SEL1L3: variants seen among roughly 807,000 people sequenced by gnomAD.
The protein encoded by SEL1L3 is SEL1L family member 3.
Under a neutral mutation model 142.8 loss-of-function variants are expected in SEL1L3, and 76 were observed. The observed-to-expected ratio is 0.53, with a 90% CI of 0.44 to 0.64. SEL1L3 has a LOEUF of 0.64. SEL1L3 is among the 30% of genes least tolerant of loss of function. SEL1L3 has a pLI of 0.00. For missense variants in SEL1L3, 1,262 were observed against 1,381.7 expected (o/e 0.91, Z 1.37); for synonymous variants, 504 against 519.6 (o/e 0.97, Z 0.41).
chr4:25,838,929 C>G (rs1402401258), intron 2 of SEL1L3, among the ~76,000 whole-genome samples: 1 of 152,216 alleles, frequency 6.6e-6, no homozygotes, highest in Non-Finnish European at 1.5e-5. Flanking sequence ...TTCTGTGTAA[C>G]AAAACCCCAC....
the SEL1L3 span, among the ~76,000 whole-genome samples, chr4:25,722,600 A>G: frequency 6.7e-6 from 1 of 148,878 alleles, no homozygotes; most frequent in Non-Finnish European, 1.5e-5. Flanking sequence ...AAGAGCCACA[A>G]GATACATGCA....
intron 9 of SEL1L3, 38 bp downstream of exon 9, chr4:25,818,100 C>A: frequency 6.3e-7 from 1 of 1,598,544 alleles, no homozygotes; most frequent in South Asian, 1.1e-5. Context: ...AGGAGCCTTT[C>A]TAACCAGCGC....
intron 1 of SEL1L3, among the ~76,000 whole-genome samples, chr4:25,854,961 C>T (rs557702502): frequency 5.9e-5 from 9 of 152,276 alleles, no homozygotes; most frequent in African/African-American, 1.9e-4. Context: ...GTGTGTTGGC[C>T]CCAAAGAGGG....
At chr4:25,851,646 T>G (rs2109316034) in intron 1 of SEL1L3, among the ~76,000 whole-genome samples, 1 of 151,916 alleles carries the variant, frequency 6.6e-6, no homozygotes, top group Non-Finnish European at 1.5e-5. Context: ...ATCCCAGCAC[T>G]TTGGGAGGCT....
Position 25,804,654 on chromosome 4 carries a change from T to C in SEL1L3, c.1663A>G (p.Ser555Gly). The change falls in exon 10 of 24, where the codon AGC becomes GGC. Residue 555 changes from serine to glycine, a missense_variant. Ser to Gly is a moderately conservative substitution (Grantham distance 56). Coordinates refer to ENST00000399878, the MANE Select transcript of SEL1L3 (RefSeq NM_015187.5). Reference protein sequence around the residue: ...LSSIDGLHQISSIVPFLTDSS... With the variant: ...LSSIDGLHQIGSIVPFLTDSS... ...TCCGTCAGAAAGGGGACGATAGAGC[T>C]AATTTGGTGAAGACCATCAATGCTA... 1 of 1,613,670 alleles carries C rather than the reference T, an allele frequency of 6.2e-7. No individual in the cohort carries two copies. The highest frequency in any genetic ancestry group is 8.5e-7 in the Non-Finnish European group (1 of 1,179,548).
downstream of SEL1L3, among the ~76,000 whole-genome samples, chr4:25,743,476 G>A (rs542823337): frequency 1.4e-4 from 22 of 152,274 alleles, no homozygotes; most frequent in African/African-American, 4.1e-4. Flanking sequence ...CCAGAAAGTC[G>A]TGACGACATG....
At position 25,748,520 on chromosome 4, in the gene SEL1L3, C is replaced by T; in HGVS notation, c.3304G>A (p.Ala1102Thr). 1 of 1,611,824 alleles carries T rather than the reference C, an allele frequency of 6.2e-7. No individual in the cohort carries two copies. The highest frequency in any genetic ancestry group is 8.5e-7 in the Non-Finnish European group (1 of 1,179,148). ...ACAGCTGGACTTGCAGTGGACGTGG[C>T]AGTGTCTGGGGAGGCCTGGGATGGT... ...PRPSQASPDT[A>T]TSTASPAVTP... The change falls in exon 24 of 24, where the codon GCC becomes ACC. Residue 1102 changes from alanine (A) to threonine (T), a missense_variant. Physicochemically the swap from Ala to Thr is moderately conservative, Grantham distance 58. Transcript: ENST00000399878.
intron 17 of SEL1L3, among the ~76,000 whole-genome samples, chr4:25,771,459 C>T (rs2109147149): frequency 6.6e-6 from 1 of 152,264 alleles, no homozygotes; most frequent in African/African-American, 2.4e-5. Context: ...CCTTTGGCTG[C>T]TTGCTGTGAA....
intron 20 of SEL1L3, among the ~76,000 whole-genome samples, chr4:25,760,928 A>T (rs2109126910): frequency 6.6e-6 from 1 of 152,320 alleles, no homozygotes; most frequent in East Asian, 1.9e-4. Flanking sequence ...GAGTGGTTAA[A>T]CAACTTGCCC....
At chr4:25,736,213 T>TTGTGTGTGTGTGTG in the SEL1L3 span, among the ~76,000 whole-genome samples, 1,559 of 130,628 alleles carry the variant, frequency 0.012, 51 homozygotes, top group African/African-American at 0.033. Context: ...TGCCATAAGA[T>TTGTGTGTGTGTGTG]TGTGTGTCTG....
chr4:25,833,898 T>C (rs184260358), intron 3 of SEL1L3, among the ~76,000 whole-genome samples: 2 of 152,292 alleles, frequency 1.3e-5, no homozygotes, highest in East Asian at 3.9e-4. Flanking sequence ...CAGACATAGA[T>C]TAAAAAAATC....
intron 1 of SEL1L3, among the ~76,000 whole-genome samples, chr4:25,853,417 G>A (rs80320802): frequency 0.024 from 3,716 of 152,102 alleles, 155 homozygotes; most frequent in African/African-American, 0.085. Flanking sequence ...AGGTATATAG[G>A]TGTTAGACAT....
chr4:25,862,603 C>G, intron 1 of SEL1L3, 72 bp downstream of exon 1: 1 of 821,056 alleles, frequency 1.2e-6, no homozygotes, highest in Non-Finnish European at 1.6e-6. Flanking sequence ...TGGCGGGTGT[C>G]CCCGGCCGCC....
At chr4:25,714,484 CTTTCTCTTTCTTTCTT>C in the SEL1L3 span, among the ~76,000 whole-genome samples, 4 of 121,224 alleles carry the variant, frequency 3.3e-5, no homozygotes, top group Admixed American at 8.0e-5. Context: ...TGCTTTCTTT[CTTTCTCTTTCTTTCTT>C]TTTCTTTCTT....
the SEL1L3 span, among the ~76,000 whole-genome samples, chr4:25,735,134 T>C: frequency 2.6e-4 from 40 of 152,294 alleles, no homozygotes; most frequent in East Asian, 5.0e-3. Flanking sequence ...ATTTTCTTTT[T>C]AGGAAAAGAT....
chr4:25,830,210 CT>C (rs1715348084), intron 5 of SEL1L3, 54 bp from the exon 6 acceptor site: 2 of 1,093,944 alleles, frequency 1.8e-6, no homozygotes, highest in African/African-American at 1.5e-5. Flanking sequence ...CCTACATTAC[CT>C]ATGCAGTCCT....
intron 23 of SEL1L3, among the ~76,000 whole-genome samples, chr4:25,753,723 C>T (rs935580623): frequency 2.6e-5 from 4 of 152,222 alleles, no homozygotes; most frequent in African/African-American, 9.6e-5. Context: ...GTGGCTTATG[C>T]CTGTAGTCCC....
rs777731929 is a variant in SEL1L3, at chr4:25,847,421, A to G, written c.606T>C (p.Tyr202=). ...ENLLHAVAKN[Y]TLLQTIPPFE... is the part of the protein sequence containing the mutation. ...AAGGCGGGATGGTCTGCAGGAGGGT[A>G]TAATTCTTTGCTACAGCATGGAGCA... The change falls in exon 2 of 24, where the codon TAT becomes TAC. Residue 202 remains tyrosine (Y), a synonymous_variant. Coordinates refer to ENST00000399878, the MANE Select transcript of SEL1L3 (RefSeq NM_015187.5). 7.4e-6 allele frequency: 12 copies of G among 1,613,878 alleles called. No individual in the cohort carries two copies. In the African/African-American group the frequency reaches 9.3e-5, roughly 13 times the overall value.
At chr4:25,820,821 C>A (rs997127063) in intron 7 of SEL1L3, among the ~76,000 whole-genome samples, 5 of 152,078 alleles carry the variant, frequency 3.3e-5, no homozygotes, top group Non-Finnish European at 5.9e-5. Flanking sequence ...GCTCTTGTCA[C>A]CCAGGCTGCA....
Sources: allele counts gnomAD v4.1 joint callset (sites outside exome capture counted in the v4.1 genomes callset), GRCh38; gene constraint gnomAD v4.1.1; transcripts MANE v1.5; gene names NCBI Gene and HGNC (gene_info 2026-07-23, HGNC 2026-07-21).